Variants in ABCA13 observed in about 807,000 individuals in gnomAD.
ABCA13 encodes ATP binding cassette subfamily A member 13.
Under a neutral mutation model 478.7 loss-of-function variants are expected in ABCA13, and 476 were observed. The ratio of observed to expected loss-of-function variants is 0.99; its 90% CI spans 0.92 to 1.07. The LOEUF (loss-of-function observed/expected upper bound fraction) is 1.07. Ranked by LOEUF, ABCA13 falls within the 50% of genes least tolerant of loss-of-function variation. The pLI, the probability that ABCA13 is intolerant of heterozygous loss-of-function variation, is 0.00. For missense variants in ABCA13, 6,060 were observed against 5,910.6 expected (o/e 1.03, Z -0.83); for synonymous variants, 2,252 against 2,158.9 (o/e 1.04, Z -1.20).
intron 43 of ABCA13, among the ~76,000 whole-genome samples, chr7:48,462,728 C>T (rs779502563): frequency 2.0e-4 from 30 of 152,094 alleles, no homozygotes; most frequent in Non-Finnish European, 4.0e-4. Context: ...AGGCTGGTCG[C>T]GAACTCCTGA....
intron 42 of ABCA13, among the ~76,000 whole-genome samples, chr7:48,429,919 A>G (rs2129141258): frequency 6.6e-6 from 1 of 152,292 alleles, no homozygotes; most frequent in South Asian, 2.1e-4. Flanking sequence ...CGGTCATGTC[A>G]TATATTGCTG....
At chr7:48,346,682 G>A (rs1436875364) in intron 29 of ABCA13, among the ~76,000 whole-genome samples, 1 of 152,198 alleles carries the variant, frequency 6.6e-6, no homozygotes, top group Admixed American at 6.5e-5. Context: ...AGTTTATAGT[G>A]TATATATAAA....
intron 55 of ABCA13, among the ~76,000 whole-genome samples, chr7:48,547,309 A>G (rs1784905865): frequency 6.6e-6 from 1 of 151,808 alleles, no homozygotes; most frequent in Non-Finnish European, 1.5e-5. Flanking sequence ...TCATTTCTCT[A>G]TTACATAGTT....
chr7:48,383,529 G>A (rs1275083183), intron 35 of ABCA13, among the ~76,000 whole-genome samples: 1 of 152,220 alleles, frequency 6.6e-6, no homozygotes, highest in African/African-American at 2.4e-5. Context: ...CACTCAAAAT[G>A]TGAAGGTGTT....
At chr7:48,584,355 C>T (rs915382391) in intron 56 of ABCA13, among the ~76,000 whole-genome samples, 1 of 152,204 alleles carries the variant, frequency 6.6e-6, no homozygotes, top group Non-Finnish European at 1.5e-5. Context: ...TTTAGTTCAA[C>T]ATTGTTTCAT....
At position 48,276,142 on chromosome 7, in the gene ABCA13, CT is replaced by C; in HGVS notation, c.6479del (p.Leu2160CysfsTer2). On this transcript the variant is annotated frameshift_variant, in exon 17 of 62. Coordinates refer to ENST00000435803, the MANE Select transcript of ABCA13 (RefSeq NM_152701.5). LOFTEE classifies it high-confidence loss of function. ...AATGAGAGTTCAACTGAAGATATAG[CT>C]TTGTTAGCCAAAGCTATTGCTACTT... Reference protein sequence around the residue: ...VTNESSTEDIALLAKAIATFW... With the variant: ...VTNESSTEDIXLLAKAIATFW... 1.3e-6 allele frequency: 2 copies of C among 1,596,204 alleles called. No homozygotes were observed. Among genetic ancestry groups the C allele is most frequent in the Non-Finnish European group, 1.7e-6 (2 of 1,170,886 alleles).
chr7:48,495,532 A>G (rs186798871), intron 48 of ABCA13, among the ~76,000 whole-genome samples: 36 of 152,304 alleles, frequency 2.4e-4, no homozygotes, highest in African/African-American at 7.5e-4. Context: ...TGTACATTAT[A>G]TGTCAATTAG....
chr7:48,533,088 C>T lies in ABCA13; in HGVS notation c.14354+4743C>T, dbSNP rs951899111. Among the ~76,000 whole-genome samples the T allele has an allele frequency of 1.2e-4, 19 of 152,034 alleles. 1 individual carries two copies. Among genetic ancestry groups the T allele is most frequent in the Admixed American group, 1.2e-3 (18 of 15,256 alleles). The stretch of plus-strand genomic sequence containing the variant: ...TCTAAGTCTTTGAGATGTGACTTTA[C>T]GTTGGCTGTTTGTGCTCTTTCAGAT... On this transcript the variant is annotated intron_variant, in intron 55 of 61. Transcript: ENST00000435803.
chr7:48,540,583 C>T (rs1458118394), intron 55 of ABCA13, among the ~76,000 whole-genome samples: 1 of 151,966 alleles, frequency 6.6e-6, no homozygotes, highest in Non-Finnish European at 1.5e-5. Context: ...ACCTTCCTGC[C>T]CATGAAGCCC....
intron 55 of ABCA13, among the ~76,000 whole-genome samples, chr7:48,543,596 C>T (rs1784546726): frequency 1.3e-5 from 2 of 151,480 alleles, no homozygotes; most frequent in South Asian, 4.2e-4. Flanking sequence ...TGCACTCCAG[C>T]CTGGGCAACA....
chr7:48,610,226 A>G (rs909932607), intron 58 of ABCA13, among the ~76,000 whole-genome samples: 2 of 152,244 alleles, frequency 1.3e-5, no homozygotes, highest in Non-Finnish European at 2.9e-5. Flanking sequence ...GAAATCAGCT[A>G]AAAGAAAGAG....
At chr7:48,571,233 T>A (rs1009582114) in intron 55 of ABCA13, among the ~76,000 whole-genome samples, 2 of 152,194 alleles carry the variant, frequency 1.3e-5, no homozygotes, top group Non-Finnish European at 2.9e-5. Flanking sequence ...CGTACATTTA[T>A]CTTGTCATTT....
intron 55 of ABCA13, among the ~76,000 whole-genome samples, chr7:48,544,050 A>T (rs1438931539): frequency 6.6e-6 from 1 of 151,740 alleles, no homozygotes; most frequent in African/African-American, 2.4e-5. Flanking sequence ...TACATTAATT[A>T]CAAAATGTTG....
At chr7:48,270,200 G>T (rs553518028) in intron 16 of ABCA13, among the ~76,000 whole-genome samples, 1 of 152,022 alleles carries the variant, frequency 6.6e-6, no homozygotes, top group African/African-American at 2.4e-5. Context: ...ACAAAACCTG[G>T]GTCGTCTCCT....
At chr7:48,592,505 T>C (rs566964497) in intron 57 of ABCA13, among the ~76,000 whole-genome samples, 1 of 152,058 alleles carries the variant, frequency 6.6e-6, no homozygotes, top group East Asian at 1.9e-4. Context: ...ATATGGTCTC[T>C]CCTGGAGAGT....
chr7:48,426,363 T>C (rs957827973), intron 41 of ABCA13, among the ~76,000 whole-genome samples: 3 of 152,224 alleles, frequency 2.0e-5, no homozygotes, highest in African/African-American at 7.2e-5. Flanking sequence ...TGCTTGCTCA[T>C]GGCTTCTTCT....
chr7:48,422,072 A>AG (rs1563229484), intron 41 of ABCA13, among the ~76,000 whole-genome samples: 1 of 141,332 alleles, frequency 7.1e-6, no homozygotes, highest in African/African-American at 2.8e-5. Flanking sequence ...AAAAAAAAAA[A>AG]AAAAAAAAAA....
chr7:48,600,033 A>G lies in ABCA13; in HGVS notation c.14744+5220A>G, dbSNP rs1296013175. Reference sequence around the variant, plus strand: ...ATAAGATATTGAAATATTCAAGTATAATTGTTACATTTTTCTTTTCCTTCT... The same window carrying G: ...ATAAGATATTGAAATATTCAAGTATGATTGTTACATTTTTCTTTTCCTTCT... On this transcript the variant is annotated intron_variant, in intron 58 of 61. Transcript: ENST00000435803. 2.0e-5 allele frequency among the ~76,000 whole-genome samples: 3 copies of G among 152,322 alleles called. No homozygotes were observed. In the East Asian group the frequency reaches 5.8e-4, roughly 29 times the overall value.
intron 55 of ABCA13, among the ~76,000 whole-genome samples, chr7:48,554,126 A>G (rs67331245): frequency 0.14 from 21,076 of 151,814 alleles, 1,834 homozygotes; most frequent in African/African-American, 0.23. Context: ...TCAAAAATGA[A>G]TTTCCTATGG....
Sources: gnomAD v4.1 joint callset for allele counts (sites outside exome capture counted in the v4.1 genomes callset) on GRCh38, gnomAD v4.1.1 for gene constraint, MANE v1.5 for transcripts, NCBI Gene and HGNC (gene_info 2026-07-23, HGNC 2026-07-21) for gene names.